The following PBX4 variants were observed in gnomAD, a reference collection of about 807,000 sequenced individuals.
PBX4 encodes pre-B-cell leukemia transcription factor 4.
Under a neutral mutation model 35.1 loss-of-function variants are expected in PBX4, and 26 were observed. The ratio of observed to expected loss-of-function variants is 0.74; its 90% confidence interval spans 0.54 to 1.03. The LOEUF is 1.03. Among genes scored for constraint, PBX4 ranks in the 50% least tolerant of loss-of-function variants. PBX4 has a pLI of 0.00. For synonymous variants in PBX4, 199 were observed against 204.2 expected, an observed-to-expected ratio of 0.97 and a Z score of 0.22; for missense variants, 448 against 504.3, an observed-to-expected ratio of 0.89 and a Z score of 1.07.
chr19:19,611,704 A>G (rs2061663736), intron 1 of PBX4, among the ~76,000 whole-genome samples: 1 of 151,822 alleles, frequency 6.6e-6, no homozygotes, highest in Non-Finnish European at 1.5e-5. Flanking sequence ...AAAAGAAAGA[A>G]AAGTTCAGAG....
Position 19,563,413 on chromosome 19 carries a change from GGA to G in PBX4, c.1032+94_1032+95del. The G allele has an allele frequency of 1.0e-6, 1 of 993,724 alleles. No homozygotes were observed. Among genetic ancestry groups the G allele is most frequent in the Non-Finnish European group, 1.5e-6 (1 of 682,356 alleles). The allele number at this position is 993,724 out of a possible 1,614,324, so 61.6% of individuals were successfully genotyped here. On this transcript the variant is annotated intron_variant, in intron 7 of 7. Coordinates refer to ENST00000251203, the MANE Select transcript of PBX4 (RefSeq NM_025245.3). This position sits in a 1 kb window ranked among gnomAD's most constrained non-coding sequence, Gnocchi z 5.1. ...CCTGTGTGGCTGCTGGGACCTCTGG[GGA>G]AGCTGCCCCAAGGCCGAGGGGTGGC...
At chr19:19,574,853 G>A (rs529237122) in intron 2 of PBX4, among the ~76,000 whole-genome samples, 67 of 151,952 alleles carry the variant, frequency 4.4e-4, no homozygotes, top group African/African-American at 1.6e-3. Context: ...TGATTACAAC[G>A]TTTGTATTTT....
Position 19,584,848 on chromosome 19 carries a change from G to A in PBX4, c.194-14015C>T, listed in dbSNP as rs942345040. On this transcript the variant is annotated intron_variant, in intron 2 of 7. Transcript: ENST00000251203. ...ACTATGTTGGCCAGGCTGGTCTCGAGCTCCTGACCTCGTGATCACCCCCTT... is the reference window on the plus strand; with the variant it reads ...ACTATGTTGGCCAGGCTGGTCTCGAACTCCTGACCTCGTGATCACCCCCTT... Among the ~76,000 whole-genome samples the A allele has an allele frequency of 1.3e-4, 19 of 151,664 alleles. No homozygotes were observed. The South Asian group carries it at 1.7e-3, about 13-fold the overall frequency.
intron 2 of PBX4, among the ~76,000 whole-genome samples, chr19:19,596,443 T>G (rs1203303659): frequency 6.6e-6 from 1 of 152,058 alleles, no homozygotes; most frequent in African/African-American, 2.4e-5. Flanking sequence ...TATAAAAACA[T>G]AGGAAAACAG....
At chr19:19,582,338 CCCA>C (rs1300360440) in intron 2 of PBX4, among the ~76,000 whole-genome samples, 2 of 152,152 alleles carry the variant, frequency 1.3e-5, no homozygotes, top group African/African-American at 4.8e-5. Flanking sequence ...CCTGCCACGC[CCCA>C]CATCTTGTGC....
At chr19:19,588,214 A>G in intron 2 of PBX4, 2 of 1,361,004 alleles carry the variant, frequency 1.5e-6, no homozygotes, top group Admixed American at 1.7e-5. Flanking sequence ...AATAATAGGC[A>G]TCAGAGACCC....
At chr19:19,587,669 C>T (rs996969103) in intron 2 of PBX4, among the ~76,000 whole-genome samples, 1 of 150,122 alleles carries the variant, frequency 6.7e-6, no homozygotes, top group African/African-American at 2.5e-5. Flanking sequence ...CCAAAGGTTC[C>T]TCAAGGACAG....
chr19:19,571,185 C>A (rs1276460319), intron 2 of PBX4, among the ~76,000 whole-genome samples: 1 of 152,138 alleles, frequency 6.6e-6, no homozygotes, highest in African/African-American at 2.4e-5. Context: ...TCAAGAAGTG[C>A]TGGGGAAGAG....
intron 2 of PBX4, among the ~76,000 whole-genome samples, chr19:19,592,137 C>G (rs780891827): frequency 6.6e-6 from 1 of 152,136 alleles, no homozygotes; most frequent in Non-Finnish European, 1.5e-5. Context: ...TCTGCCTCAG[C>G]CTCCCAAAGT....
chr19:19,612,881 C>T (rs564771476), intron 1 of PBX4, among the ~76,000 whole-genome samples: 8 of 151,936 alleles, frequency 5.3e-5, no homozygotes, highest in African/African-American at 1.4e-4. Flanking sequence ...TGCAGTGGCA[C>T]GATCTCGGCT....
chr19:19,595,407 C>G (rs1461656589), intron 2 of PBX4, among the ~76,000 whole-genome samples: 1 of 152,128 alleles, frequency 6.6e-6, no homozygotes, highest in African/African-American at 2.4e-5. Flanking sequence ...GCTTACCACA[C>G]GAATGCTGAA....
chr19:19,570,915 A>C, intron 2 of PBX4, 82 bp from the exon 3 acceptor site: 1 of 1,543,374 alleles, frequency 6.5e-7, no homozygotes, highest in South Asian at 1.2e-5. Flanking sequence ...CACTGGTGTT[A>C]TGTCTGAAGA....
intron 1 of PBX4, among the ~76,000 whole-genome samples, chr19:19,604,481 A>G (rs1568396923): frequency 6.6e-6 from 1 of 151,736 alleles, no homozygotes; most frequent in Non-Finnish European, 1.5e-5. Context: ...AAAAAAAAGG[A>G]ATACAACTGG....
intron 2 of PBX4, 123 bp from the exon 3 acceptor site, chr19:19,570,956 A>G: frequency 7.8e-7 from 1 of 1,283,364 alleles, no homozygotes; most frequent in South Asian, 1.4e-5. Context: ...GGAGAAAGGA[A>G]TACTCCACTT....
At chr19:19,570,854 C>G (rs377007718) in intron 2 of PBX4, 21 bp from the exon 3 acceptor site, 1 of 1,606,736 alleles carries the variant, frequency 6.2e-7, no homozygotes, top group African/African-American at 1.3e-5. Context: ...GAGACCGGGA[C>G]AAGTCACAAT....
rs371587486 is a variant in PBX4, at chr19:19,562,021, A to G, written c.*4T>C. 2.4e-4 allele frequency: 394 copies of G among 1,610,086 alleles called. No individual in the cohort carries two copies. The highest frequency in any genetic ancestry group is 3.2e-4 in the Non-Finnish European group (371 of 1,177,722). ...CAGCGCTCTTTCCTGCTTATCCCCCAAACTTAATTAGATGTACTGGAGTTG... is the reference window on the plus strand; with the variant it reads ...CAGCGCTCTTTCCTGCTTATCCCCCGAACTTAATTAGATGTACTGGAGTTG... On this transcript the variant is annotated 3_prime_UTR_variant, in exon 8 of 8. Coordinates refer to ENST00000251203, the MANE Select transcript of PBX4 (RefSeq NM_025245.3). The surrounding 1 kb of genome is among the most constrained non-coding windows in gnomAD (Gnocchi z 4.8).
intron 2 of PBX4, among the ~76,000 whole-genome samples, chr19:19,578,889 G>T (rs1600411129): frequency 6.6e-6 from 1 of 152,236 alleles, no homozygotes; most frequent in East Asian, 1.9e-4. Context: ...CTGATGGGCA[G>T]AGACCTCAGG....
rs2144691862 is a variant in PBX4 at position 19,562,196 on chromosome 19, C to G, written c.1033-79G>C. On this transcript the variant is annotated intron_variant, in intron 7 of 7. Coordinates refer to ENST00000251203, the MANE Select transcript of PBX4 (RefSeq NM_025245.3). This position sits in a 1 kb window ranked among gnomAD's most constrained non-coding sequence, Gnocchi z 4.8. ...CCCAGCCCACGTGCTGCAGGCGGAGCCTCCAGGGGTCCCTGGGAAGGCTTG... is the reference window on the plus strand; with the variant it reads ...CCCAGCCCACGTGCTGCAGGCGGAGGCTCCAGGGGTCCCTGGGAAGGCTTG... 3 of 1,049,048 alleles carry G rather than the reference C, an allele frequency of 2.9e-6. No homozygotes were observed. Among genetic ancestry groups the G allele is most frequent in the South Asian group, 3.2e-5 (2 of 62,606 alleles). 65.0% of individuals were successfully genotyped at this position (1,049,048 alleles called of 1,614,324 possible).
intron 5 of PBX4, among the ~76,000 whole-genome samples, chr19:19,568,785 G>A (rs577772244): frequency 6.6e-6 from 1 of 152,050 alleles, no homozygotes; most frequent in South Asian, 2.1e-4. Flanking sequence ...TACTCTGTCT[G>A]TATCCCTCAG....
Sources: gnomAD v4.1 joint callset for allele counts (sites outside exome capture counted in the v4.1 genomes callset) on GRCh38, gnomAD v4.1.1 for gene constraint, Gnocchi (gnomAD v3.1) non-coding constraint, MANE v1.5 for transcripts, NCBI Gene and HGNC (gene_info 2026-07-23, HGNC 2026-07-21) for gene names.